The following LYAR variants were observed in gnomAD, a reference collection of about 807,000 sequenced individuals.
The protein encoded by LYAR is cell growth-regulating nucleolar protein.
In LYAR, 37 loss-of-function variants were observed where a neutral mutation model predicts 45.2. The ratio of observed to expected loss-of-function variants is 0.82; its 90% CI spans 0.63 to 1.08. The LOEUF (loss-of-function observed/expected upper bound fraction) is 1.08, where lower values mean the gene tolerates loss of function less well. Ranked by LOEUF, LYAR falls within the 50% of genes least tolerant of loss-of-function variation. The pLI is 0.00. For synonymous variants in LYAR, 176 were observed against 155.1 expected, an observed-to-expected ratio of 1.14 and a Z score of -1.00; for missense variants, 493 against 451.0, an observed-to-expected ratio of 1.09 and a Z score of -0.84.
chr4:4,270,579 A>C (rs2108837107), intron 8 of LYAR, among the ~76,000 whole-genome samples: 1 of 151,572 alleles, frequency 6.6e-6, no homozygotes, highest in Non-Finnish European at 1.5e-5. Flanking sequence ...AAAAACCCCA[A>C]ACAACTCAAA....
intron 2 of LYAR, among the ~76,000 whole-genome samples, chr4:4,286,028 C>T (rs1391057881): frequency 3.3e-5 from 5 of 152,162 alleles, no homozygotes; most frequent in Admixed American, 6.5e-5. Context: ...TAAAAAATAA[C>T]TCTCACATCA....
At position 4,279,742 on chromosome 4, in the gene LYAR, C is replaced by A; in HGVS notation, c.245G>T (p.Ser82Ile). 1 of 1,587,206 alleles carries A rather than the reference C, an allele frequency of 6.3e-7. No homozygotes were observed. The highest frequency in any genetic ancestry group is 8.6e-7 in the Non-Finnish European group (1 of 1,162,606). ...IKQQAWIQKI[S>I]ELIKRPNVSP... ...GACATTGGGTCTCTTTATTAATTCA[C>A]TAATTTTCTACAAAAAGGGAAGAAA... Residue 82 changes from serine (S) to isoleucine (I), a missense_variant, in exon 5 of 10, where the codon AGT (serine) becomes ATT (isoleucine). Coordinates refer to ENST00000343470, the MANE Select transcript of LYAR (RefSeq NM_017816.3).
At chr4:4,274,303 A>C in intron 7 of LYAR, 64 bp downstream of exon 7, 1 of 1,545,260 alleles carries the variant, frequency 6.5e-7, no homozygotes. Context: ...ACAGGCTTAA[A>C]TATCCCAAAT....
intron 3 of LYAR, among the ~76,000 whole-genome samples, chr4:4,283,070 T>C (rs540623954): frequency 1.3e-5 from 2 of 152,246 alleles, no homozygotes; most frequent in Non-Finnish European, 2.9e-5. Context: ...ACCAACTGAC[T>C]GAACACTCTA....
chr4:4,278,419 T>C (rs752507114), intron 6 of LYAR, among the ~76,000 whole-genome samples: 1 of 152,216 alleles, frequency 6.6e-6, no homozygotes, highest in Non-Finnish European at 1.5e-5. Flanking sequence ...TTTCTACATA[T>C]ATAGTCCACA....
intron 6 of LYAR, among the ~76,000 whole-genome samples, chr4:4,277,712 C>A (rs35860895): frequency 2.0e-5 from 3 of 152,214 alleles, no homozygotes; most frequent in African/African-American, 7.2e-5. Context: ...CTATCTCCCC[C>A]ACTAGAACAC....
At chr4:4,285,411 C>A (rs1422728929) in intron 2 of LYAR, among the ~76,000 whole-genome samples, 8 of 151,684 alleles carry the variant, frequency 5.3e-5, no homozygotes, top group African/African-American at 1.9e-4. Flanking sequence ...TCAAAGCTTA[C>A]CATTCTAAAA....
In LYAR at chr4:4,274,685, A is replaced by G; in HGVS notation, c.514T>C (p.Ser172Pro). The G allele has an allele frequency of 6.2e-7, 1 of 1,613,642 alleles. No homozygotes were observed. Among genetic ancestry groups the G allele is most frequent in the Non-Finnish European group, 8.5e-7 (1 of 1,179,968 alleles). The change falls in exon 7 of 10, where the codon TCC becomes CCC. Residue 172 changes from serine to proline, a missense_variant. Ser to Pro is a moderately conservative substitution (Grantham distance 74, BLOSUM62 -1). Transcript: ENST00000343470. ...TGTTCCACGGCGTCTTTCACTTTGG[A>G]GGCTGGAACCTTGGTGGAGATTTCT... is the stretch of plus-strand genomic sequence containing the variant. Reference protein sequence around the residue: ...HAEISTKVPASKVKDAVEQQG... With the variant: ...HAEISTKVPAPKVKDAVEQQG...
intron 7 of LYAR, among the ~76,000 whole-genome samples, 173 bp downstream of exon 7, chr4:4,274,194 G>A (rs1217404229): frequency 6.6e-6 from 1 of 151,694 alleles, no homozygotes; most frequent in Non-Finnish European, 1.5e-5. Flanking sequence ...CTGAGATCGT[G>A]CCACTGCACT....
chr4:4,273,396 G>A (rs1719020385), intron 8 of LYAR, among the ~76,000 whole-genome samples, 187 bp downstream of exon 8: 1 of 152,028 alleles, frequency 6.6e-6, no homozygotes, highest in Non-Finnish European at 1.5e-5. Context: ...AACCTACAAG[G>A]GACCGTGTAT....
chr4:4,281,144 G>A (rs1719375856), intron 4 of LYAR, among the ~76,000 whole-genome samples: 2 of 152,156 alleles, frequency 1.3e-5, no homozygotes, highest in Non-Finnish European at 2.9e-5. Flanking sequence ...CATGGCTTGA[G>A]TTATAAAAGC....
intron 6 of LYAR, among the ~76,000 whole-genome samples, chr4:4,278,795 G>A (rs532642074): frequency 5.8e-4 from 89 of 152,264 alleles, no homozygotes; most frequent in Non-Finnish European, 1.0e-3. Context: ...AAGATCAAAC[G>A]TCAGGCAAAC....
At chr4:4,276,750 G>C (rs551619747) in intron 6 of LYAR, among the ~76,000 whole-genome samples, 1 of 151,530 alleles carries the variant, frequency 6.6e-6, no homozygotes, top group East Asian at 2.0e-4. Context: ...CTAGCTACTC[G>C]GGGGGCTGGG....
intron 6 of LYAR, among the ~76,000 whole-genome samples, chr4:4,276,753 G>T (rs1001198724): frequency 6.8e-6 from 1 of 148,064 alleles, no homozygotes; most frequent in Non-Finnish European, 1.5e-5. Context: ...GCTACTCGGG[G>T]GGCTGGGACA....
chr4:4,272,012 T>C (rs1157189354), intron 8 of LYAR, among the ~76,000 whole-genome samples: 1 of 151,222 alleles, frequency 6.6e-6, no homozygotes, highest in Non-Finnish European at 1.5e-5. Context: ...ATTCCATTCA[T>C]AGAACATTCG....
rs116318078 is a variant in LYAR at position 4,273,714 on chromosome 4, C to A, written c.833-45G>T. 144 of 1,157,506 alleles carry A rather than the reference C, an allele frequency of 1.2e-4. 1 individual carries two copies. In the East Asian group the frequency reaches 2.4e-3, roughly 19 times the overall value. 71.7% of individuals were successfully genotyped at this position (1,157,506 alleles called of 1,614,324 possible). Reference sequence around the variant, plus strand: ...TTTTTTAAAGAAGATTTTGCATTTACGCTAGCAGCTACCATTTAATGAGAC... The same window carrying A: ...TTTTTTAAAGAAGATTTTGCATTTAAGCTAGCAGCTACCATTTAATGAGAC... On this transcript the variant is annotated intron_variant, in intron 7 of 9. Coordinates refer to ENST00000343470, the MANE Select transcript of LYAR (RefSeq NM_017816.3).
chr4:4,281,892 T>C lies in LYAR; in HGVS notation c.128A>G (p.Asp43Gly). ...CIDCGKDFWG[D>G]DYKNHVKCIS... ...GCATTTCACGTGGTTTTTATAGTCA[T>C]CGCCCCTTTAAAGTGATCAAAAGTT... is the stretch of plus-strand genomic sequence containing the variant. Residue 43 changes from aspartate to glycine, a missense_variant, in exon 4 of 10, where the codon GAT (aspartate) becomes GGT (glycine). Transcript: ENST00000343470. 2 of 1,611,942 alleles carry C rather than the reference T, an allele frequency of 1.2e-6. No individual in the cohort carries two copies. Among genetic ancestry groups the C allele is most frequent in the South Asian group, 1.1e-5 (1 of 91,044 alleles).
chr4:4,274,528 T>C lies in LYAR; in HGVS notation c.671A>G (p.Lys224Arg). Residue 224 changes from lysine to arginine, a missense_variant, in exon 7 of 10, where the codon AAA becomes AGA. Lys to Arg is a conservative substitution (Grantham distance 26, BLOSUM62 2). Coordinates refer to ENST00000343470, the MANE Select transcript of LYAR (RefSeq NM_017816.3). ...CTCAAGGTCAGCCTCCTGTCCCTTT[T>C]TGCGCTTCTTAGGCTTCTGATTCCT... is the stretch of plus-strand genomic sequence containing the variant. ...NSRNQKPKKR[K>R]KGQEADLEAG... 1 of 1,614,224 alleles carries C rather than the reference T, an allele frequency of 6.2e-7. No individual in the cohort carries two copies. Among genetic ancestry groups the C allele is most frequent in the East Asian group, 2.2e-5 (1 of 44,876 alleles).
chr4:4,271,009 T>C (rs941665537), intron 8 of LYAR, among the ~76,000 whole-genome samples: 4 of 152,254 alleles, frequency 2.6e-5, no homozygotes, highest in Non-Finnish European at 5.9e-5. Flanking sequence ...TATCCTTTTG[T>C]GTTACAAACA....
Sources: gnomAD v4.1 joint callset for allele counts (sites outside exome capture counted in the v4.1 genomes callset) on GRCh38, gnomAD v4.1.1 for gene constraint, MANE v1.5 for transcripts, NCBI Gene and HGNC (gene_info 2026-07-23, HGNC 2026-07-21) for gene names.